Variants in SPIDR observed in about 807,000 individuals in gnomAD.
The protein encoded by SPIDR is DNA repair-scaffolding protein.
In SPIDR, 93 loss-of-function variants were observed where a neutral mutation model predicts 104.6. That is an observed-to-expected ratio of 0.89 (90% CI 0.75 to 1.06). The LOEUF is 1.06. Among genes scored for constraint, SPIDR ranks in the 50% least tolerant of loss-of-function variants. SPIDR has a pLI of 0.00. For missense variants in SPIDR, 1,154 were observed against 1,111.2 expected (o/e 1.04, Z -0.55); for synonymous variants, 431 against 416.9 (o/e 1.03, Z -0.41).
At chr8:47,489,951 C>T (rs1180635004) in intron 8 of SPIDR, among the ~76,000 whole-genome samples, 2 of 152,034 alleles carry the variant, frequency 1.3e-5, no homozygotes, top group Admixed American at 1.3e-4. Context: ...GGCAAGGACT[C>T]CATGACTAAA....
At chr8:47,344,161 C>T (rs11783141) in intron 5 of SPIDR, among the ~76,000 whole-genome samples, 62,772 of 147,140 alleles carry the variant, frequency 0.43, 15,256 homozygotes, top group African/African-American at 0.67. Flanking sequence ...ATATTCCCCA[C>T]GCTGTGTCCA....
intron 8 of SPIDR, among the ~76,000 whole-genome samples, chr8:47,537,122 A>T (rs2087050981): frequency 6.6e-6 from 1 of 152,240 alleles, no homozygotes; most frequent in South Asian, 2.1e-4. Context: ...TGGAAGTGCA[A>T]ATTGGAACAG....
intron 5 of SPIDR, among the ~76,000 whole-genome samples, chr8:47,372,001 G>A (rs1054076803): frequency 1.3e-5 from 2 of 152,130 alleles, no homozygotes; most frequent in East Asian, 3.9e-4. Flanking sequence ...CTTTGCAGGA[G>A]CACCCTTCTC....
rs546398027 is a variant in SPIDR at position 47,408,036 on chromosome 8, A to G, written c.877+75A>G. The G allele has an allele frequency of 5.3e-6, 4 of 757,598 alleles. No homozygotes were observed. In the African/African-American group the frequency reaches 7.1e-5, roughly 14 times the overall value. 46.9% of individuals were successfully genotyped at this position (757,598 alleles called of 1,614,324 possible). A position where few individuals can be genotyped will look rare whatever the true frequency, so the allele number is the denominator to read the frequency against. On this transcript the variant is annotated intron_variant, in intron 7 of 19. Transcript: ENST00000297423. ...TAAAAGAATTCTTACATTAAAATAT[A>G]TGAAGTTAATTGTTAATATTTTCAT... is the stretch of plus-strand genomic sequence containing the variant.
At chr8:47,578,614 G>A (rs1335675714) in intron 8 of SPIDR, among the ~76,000 whole-genome samples, 1 of 152,150 alleles carries the variant, frequency 6.6e-6, no homozygotes, top group African/African-American at 2.4e-5. Flanking sequence ...TCTGAAACTT[G>A]TTACTTTTGA....
intron 5 of SPIDR, among the ~76,000 whole-genome samples, chr8:47,374,069 A>G (rs1554640733): frequency 1.3e-5 from 2 of 152,140 alleles, no homozygotes; most frequent in African/African-American, 4.8e-5. Flanking sequence ...TTCTACTGAG[A>G]CGTCTTTTTT....
At chr8:47,712,563 T>C (rs2082031300) in intron 14 of SPIDR, 99 bp from the exon 15 acceptor site, 2 of 1,268,220 alleles carry the variant, frequency 1.6e-6, no homozygotes, top group Admixed American at 2.2e-5. Flanking sequence ...TTTGAAATAA[T>C]ATCTTAAATT....
chr8:47,288,640 GT>G (rs1292088952), intron 3 of SPIDR, among the ~76,000 whole-genome samples: 2 of 152,190 alleles, frequency 1.3e-5, no homozygotes, highest in African/African-American at 4.8e-5. Context: ...GATTGATAAT[GT>G]CTTTTGCAAG....
chr8:47,659,965 C>A (rs1381791699), intron 10 of SPIDR, among the ~76,000 whole-genome samples: 1 of 152,216 alleles, frequency 6.6e-6, no homozygotes, highest in Non-Finnish European at 1.5e-5. Flanking sequence ...CTTAATCTGC[C>A]CTCTCAGCAC....
At chr8:47,524,862 G>C (rs927366540) in intron 8 of SPIDR, among the ~76,000 whole-genome samples, 21 of 152,116 alleles carry the variant, frequency 1.4e-4, no homozygotes, top group Non-Finnish European at 2.1e-4. Flanking sequence ...CAAGGGTGCT[G>C]GTCTTGGGAA....
chr8:47,467,661 C>T (rs2075100815), intron 8 of SPIDR, among the ~76,000 whole-genome samples: 1 of 152,014 alleles, frequency 6.6e-6, no homozygotes, highest in Non-Finnish European at 1.5e-5. Flanking sequence ...AAATTCAAAA[C>T]CCTTTCATGT....
chr8:47,436,409 A>G (rs2068332753), intron 7 of SPIDR, among the ~76,000 whole-genome samples: 1 of 152,150 alleles, frequency 6.6e-6, no homozygotes, highest in Non-Finnish European at 1.5e-5. Context: ...TAAAATGAGT[A>G]TATCCCCTGC....
rs2083285742 is a variant in SPIDR, at chr8:47,720,790, C to T, written c.2342-6410C>T. On this transcript the variant is annotated intron_variant, in intron 16 of 19. Coordinates refer to ENST00000297423, the MANE Select transcript of SPIDR (RefSeq NM_001080394.4). ...TTTTCTTTTTTGAGATGGAGTCTCTCTCTGTTGCCCAGGCTGGAGTGCAGT... is the reference window on the plus strand; with the variant it reads ...TTTTCTTTTTTGAGATGGAGTCTCTTTCTGTTGCCCAGGCTGGAGTGCAGT... Among the ~76,000 whole-genome samples the T allele has an allele frequency of 2.0e-5, 3 of 151,552 alleles. No homozygotes were observed. In the South Asian group the frequency reaches 6.2e-4, roughly 31 times the overall value.
chr8:47,517,615 TA>T (rs1216183902), intron 8 of SPIDR, among the ~76,000 whole-genome samples: 2 of 152,246 alleles, frequency 1.3e-5, no homozygotes, highest in Non-Finnish European at 2.9e-5. Context: ...ATCCTGATTG[TA>T]GTTTTCTCAG....
At chr8:47,501,267 A>G (rs1428772602) in intron 8 of SPIDR, among the ~76,000 whole-genome samples, 1 of 152,164 alleles carries the variant, frequency 6.6e-6, no homozygotes, top group Non-Finnish European at 1.5e-5. Flanking sequence ...GATTCTTCCT[A>G]TCCATGAGCA....
intron 8 of SPIDR, among the ~76,000 whole-genome samples, chr8:47,505,601 C>T (rs1363780418): frequency 1.3e-5 from 2 of 152,220 alleles, no homozygotes; most frequent in Non-Finnish European, 2.9e-5. Flanking sequence ...GGCAGTGCCT[C>T]GCCCTGCTTC....
In SPIDR at chr8:47,730,485, G is replaced by A. The variant is rs372684635; in HGVS notation, c.2604+1020G>A. Among the ~76,000 whole-genome samples, 576 of 152,378 alleles carry A rather than the reference G, an allele frequency of 3.8e-3. 3 individuals are homozygous for A. Among genetic ancestry groups the A allele is most frequent in the South Asian group, 0.023 (109 of 4,834 alleles). On this transcript the variant is annotated intron_variant, in intron 19 of 19. Coordinates refer to ENST00000297423, the MANE Select transcript of SPIDR (RefSeq NM_001080394.4). Reference sequence around the variant, plus strand: ...CAGGGAGCTGACTTGGGCCACGCTGGAAGGGAGTGTGGTGACTGGGGAGGC... The same window carrying A: ...CAGGGAGCTGACTTGGGCCACGCTGAAAGGGAGTGTGGTGACTGGGGAGGC...
At chr8:47,659,727 T>TC (rs945629299) in intron 10 of SPIDR, 1 of 984,406 alleles carries the variant, frequency 1.0e-6, no homozygotes, top group South Asian at 4.7e-5. Flanking sequence ...TCCCTTTTTT[T>TC]CTCTCTCTCT....
intron 7 of SPIDR, among the ~76,000 whole-genome samples, chr8:47,417,383 G>A (rs1363804012): frequency 1.3e-5 from 2 of 152,152 alleles, no homozygotes; most frequent in East Asian, 3.9e-4. Flanking sequence ...GCCAGTGATG[G>A]TGAGCATTTT....
Sources: allele counts gnomAD v4.1 joint callset (sites outside exome capture counted in the v4.1 genomes callset), GRCh38; gene constraint gnomAD v4.1.1; transcripts MANE v1.5; gene names NCBI Gene and HGNC (gene_info 2026-07-23, HGNC 2026-07-21).